Variants in KDM4C observed in about 807,000 individuals in gnomAD.
The protein encoded by KDM4C is lysine demethylase 4C, also known as lysine-specific demethylase 4C.
KDM4C carries 81 observed loss-of-function variants against 129.3 expected under a neutral mutation model. The ratio of observed to expected loss-of-function variants is 0.63; its 90% CI spans 0.52 to 0.75. The LOEUF (loss-of-function observed/expected upper bound fraction) is 0.75, where lower values mean the gene tolerates loss of function less well. Ranked by LOEUF, KDM4C falls within the 30% of genes least tolerant of loss-of-function variation. The pLI is 0.00. For missense variants in KDM4C, 1,457 were observed against 1,304.0 expected, an observed-to-expected ratio of 1.12 and a Z score of -1.81; for synonymous variants, 573 against 456.1, an observed-to-expected ratio of 1.26 and a Z score of -3.26.
At chr9:7,002,874 T>A (rs2132048745) in intron 12 of KDM4C, among the ~76,000 whole-genome samples, 1 of 152,348 alleles carries the variant, frequency 6.6e-6, no homozygotes, top group Non-Finnish European at 1.5e-5. Context: ...TACACTCTTG[T>A]GTTTTAGATA....
intron 1 of KDM4C, among the ~76,000 whole-genome samples, chr9:6,729,123 G>GAAAAAAA (rs1554663576): frequency 1.6e-4 from 12 of 75,012 alleles, no homozygotes; most frequent in Admixed American, 7.6e-4. Flanking sequence ...AGAATTGCTT[G>GAAAAAAA]AACCCGGGAA....
intron 1 of KDM4C, among the ~76,000 whole-genome samples, chr9:6,765,814 A>G (rs1820509880): frequency 6.6e-6 from 1 of 152,034 alleles, no homozygotes. Flanking sequence ...AGGGGGATGG[A>G]GTCTTTCTCT....
intron 1 of KDM4C, among the ~76,000 whole-genome samples, chr9:6,749,463 C>G (rs1045390438): frequency 6.6e-6 from 1 of 152,010 alleles, no homozygotes; most frequent in Admixed American, 6.6e-5. Context: ...ATAAAGTCAT[C>G]TAAGTGTGGG....
intron 4 of KDM4C, among the ~76,000 whole-genome samples, chr9:6,833,516 T>G (rs1222253692): frequency 6.6e-6 from 1 of 152,200 alleles, no homozygotes; most frequent in Non-Finnish European, 1.5e-5. Flanking sequence ...GAATTTTCAT[T>G]CTCACCCTTG....
intron 5 of KDM4C, among the ~76,000 whole-genome samples, chr9:6,851,541 T>A (rs913471206): frequency 6.6e-6 from 1 of 152,150 alleles, no homozygotes; most frequent in African/African-American, 2.4e-5. Context: ...TTCAACATGT[T>A]AATAAAATCT....
At position 7,049,152 on chromosome 9, in the gene KDM4C, A is replaced by C. The variant is rs779857941; in HGVS notation, c.2376A>C (p.Glu792Asp). Residue 792 changes from glutamate to aspartate, a missense_variant, in exon 17 of 22, where the codon GAA (glutamate) becomes GAC (aspartate). By Grantham distance (45) the Glu-to-Asp change is conservative. Transcript: ENST00000381309. ...AAGTTCGATTCACTAATGTCCCAGA[A>C]AGGACACAAATAGATGTAGGCAGAA... The part of the protein sequence containing the change: ...VPEVRFTNVP[E>D]RTQIDVGRIP... The C allele has an allele frequency of 1.9e-6, 3 of 1,612,452 alleles. No individual in the cohort carries two copies. The highest frequency in any genetic ancestry group is 2.5e-6 in the Non-Finnish European group (3 of 1,178,818).
At chr9:6,793,549 T>A (rs1380029467) in intron 2 of KDM4C, among the ~76,000 whole-genome samples, 3 of 151,250 alleles carry the variant, frequency 2.0e-5, no homozygotes, top group African/African-American at 7.3e-5. Context: ...TTTCTTTTTT[T>A]TTTTTTTGAG....
chr9:6,906,455 C>A (rs1589037205), intron 8 of KDM4C, among the ~76,000 whole-genome samples: 1 of 152,154 alleles, frequency 6.6e-6, no homozygotes, highest in African/African-American at 2.4e-5. Flanking sequence ...TCCAAGTCTT[C>A]TGCCTCAATG....
chr9:7,076,504 C>T, intron 17 of KDM4C: 1 of 1,548,454 alleles, frequency 6.5e-7, no homozygotes, highest in South Asian at 1.2e-5. Context: ...ACTGTGAAAA[C>T]ATCAATTCAT....
intron 16 of KDM4C, among the ~76,000 whole-genome samples, 149 bp from the exon 17 acceptor site, chr9:7,048,939 AGGTT>A (rs1306245073): frequency 6.6e-6 from 1 of 151,948 alleles, no homozygotes; most frequent in East Asian, 1.9e-4. Flanking sequence ...ATCATTCAGG[AGGTT>A]TACAGTTCAG....
chr9:7,100,793 T>A (rs766094813), intron 17 of KDM4C, among the ~76,000 whole-genome samples: 61 of 152,248 alleles, frequency 4.0e-4, no homozygotes, highest in Middle Eastern at 6.8e-3. Context: ...CTTTTTTTTA[T>A]TGTGGATACT....
chr9:7,006,975 A>C (rs1480647201), intron 12 of KDM4C, among the ~76,000 whole-genome samples: 1 of 152,260 alleles, frequency 6.6e-6, no homozygotes, highest in Non-Finnish European at 1.5e-5. Context: ...GCGATTAAAA[A>C]ATTTGAAAAC....
intron 19 of KDM4C, among the ~76,000 whole-genome samples, chr9:7,146,749 C>A (rs751870232): frequency 1.3e-5 from 2 of 152,172 alleles, no homozygotes; most frequent in African/African-American, 4.8e-5. Context: ...TGGCCTCAGG[C>A]GAGTCACTCT....
At chr9:7,086,972 C>CTCA (rs1258273708) in intron 17 of KDM4C, among the ~76,000 whole-genome samples, 1 of 152,170 alleles carries the variant, frequency 6.6e-6, no homozygotes, top group East Asian at 1.9e-4. Flanking sequence ...TTGTACTCTG[C>CTCA]CCTGTGGTTG....
At chr9:6,841,191 C>A (rs781323732) in intron 4 of KDM4C, among the ~76,000 whole-genome samples, 4 of 151,826 alleles carry the variant, frequency 2.6e-5, no homozygotes, top group Non-Finnish European at 4.4e-5. Flanking sequence ...CCTGTGAATT[C>A]TTGAATTTCA....
chr9:6,744,874 G>T (rs140501333), intron 1 of KDM4C, among the ~76,000 whole-genome samples: 1 of 152,034 alleles, frequency 6.6e-6, no homozygotes, highest in Non-Finnish European at 1.5e-5. Flanking sequence ...GAGAGCAGGG[G>T]ATACCTGGGG....
At chr9:7,124,046 C>A (rs1839781839) in intron 18 of KDM4C, among the ~76,000 whole-genome samples, 1 of 152,152 alleles carries the variant, frequency 6.6e-6, no homozygotes. Flanking sequence ...CCCAATGAGG[C>A]TGGGCCTCCT....
chr9:7,084,152 C>T (rs1238761258), intron 17 of KDM4C, among the ~76,000 whole-genome samples: 4 of 152,158 alleles, frequency 2.6e-5, no homozygotes, highest in African/African-American at 9.7e-5. Context: ...AGATCATGAG[C>T]TCTGGGCTTC....
At chr9:6,799,014 G>C (rs1238929105) in intron 2 of KDM4C, among the ~76,000 whole-genome samples, 10 of 150,912 alleles carry the variant, frequency 6.6e-5, no homozygotes, top group African/African-American at 1.7e-4. Flanking sequence ...GATGGCGGCC[G>C]GGAAGAGGCG....
Sources: allele counts gnomAD v4.1 joint callset (sites outside exome capture counted in the v4.1 genomes callset), GRCh38; gene constraint gnomAD v4.1.1; transcripts MANE v1.5; gene names NCBI Gene and HGNC (gene_info 2026-07-23, HGNC 2026-07-21).